FREM2: variants seen among roughly 807,000 people sequenced by gnomAD.
FREM2 encodes the protein FRAS1 related extracellular matrix 2.
In FREM2, 119 loss-of-function variants were observed where a neutral mutation model predicts 219.9. The observed-to-expected ratio is 0.54, with a 90% CI of 0.47 to 0.63. The LOEUF is 0.63. FREM2 is among the 30% of genes least tolerant of loss of function. The pLI is 0.00. For synonymous variants in FREM2, 1,562 were observed against 1,522.8 expected, an observed-to-expected ratio of 1.03 and a Z score of -0.60; for missense variants, 4,030 against 3,993.6, an observed-to-expected ratio of 1.01 and a Z score of -0.25.
At chr13:38,707,823 A>AT (rs1870599321) in intron 2 of FREM2, among the ~76,000 whole-genome samples, 1 of 152,228 alleles carries the variant, frequency 6.6e-6, no homozygotes, top group African/African-American at 2.4e-5. Flanking sequence ...ATGGCCAAAA[A>AT]TTAAGTGCAT....
chr13:38,815,907 C>T (rs188208163), intron 6 of FREM2, among the ~76,000 whole-genome samples: 32 of 152,256 alleles, frequency 2.1e-4, no homozygotes, highest in Non-Finnish European at 3.8e-4. Flanking sequence ...CCCATAGACC[C>T]CACCTCTGAT....
intron 3 of FREM2, among the ~76,000 whole-genome samples, chr13:38,767,810 T>C (rs1873500822): frequency 6.6e-6 from 1 of 152,210 alleles, no homozygotes; most frequent in Non-Finnish European, 1.5e-5. Flanking sequence ...CCCTTTTTTC[T>C]CTTGCCATTA....
At chr13:38,718,051 T>C (rs1376667417) in intron 2 of FREM2, among the ~76,000 whole-genome samples, 1 of 152,180 alleles carries the variant, frequency 6.6e-6, no homozygotes, top group African/African-American at 2.4e-5. Context: ...ATTAACTGTG[T>C]CTTTTTTCAT....
In FREM2 at chr13:38,691,469, A is replaced by C; in HGVS notation, c.4125A>C (p.Val1375=). 6.2e-7 allele frequency: 1 copy of C among 1,614,170 alleles called. No homozygotes were observed. The highest frequency in any genetic ancestry group is 8.5e-7 in the Non-Finnish European group (1 of 1,180,016). ...GCATGAATTTTACCCAGGATGAAGT[A>C]GACAGAAACTTAATTCAGTATGTCC... The part of the protein sequence containing the change: ...TLGMNFTQDE[V]DRNLIQYVHL... The change falls in exon 1 of 24, where the codon GTA becomes GTC. Residue 1375 remains valine (V), a synonymous_variant. Transcript: ENST00000280481.
intron 6 of FREM2, among the ~76,000 whole-genome samples, chr13:38,824,676 G>T (rs149644393): frequency 6.6e-6 from 1 of 152,098 alleles, no homozygotes; most frequent in African/African-American, 2.4e-5. Flanking sequence ...GGGGCCACAG[G>T]AGCCACCAGT....
intron 11 of FREM2, among the ~76,000 whole-genome samples, chr13:38,855,689 A>G (rs950524467): frequency 4.6e-5 from 7 of 152,178 alleles, no homozygotes; most frequent in Non-Finnish European, 8.8e-5. Flanking sequence ...TGAGGATGCA[A>G]AGGCATAACA....
rs1003338154 is a variant in FREM2, at chr13:38,702,559, C to G, written c.5263+4772C>G. Among the ~76,000 whole-genome samples, 3 of 152,062 alleles carry G rather than the reference C, an allele frequency of 2.0e-5. No homozygotes were observed. The East Asian group carries it at 5.8e-4, about 29-fold the overall frequency. On this transcript the variant is annotated intron_variant, in intron 2 of 23. Coordinates refer to ENST00000280481, the MANE Select transcript of FREM2 (RefSeq NM_207361.6). ...TTTTTTGTTTGTTTGTTTTAAGTCT[C>G]AAAGCCTCAGCATCAGATCCAGCTT...
intron 2 of FREM2, among the ~76,000 whole-genome samples, chr13:38,732,441 A>T (rs1319956860): frequency 6.6e-6 from 1 of 152,226 alleles, no homozygotes; most frequent in Non-Finnish European, 1.5e-5. Context: ...TACTTTAGTT[A>T]TGACAGCCAT....
intron 2 of FREM2, among the ~76,000 whole-genome samples, chr13:38,748,926 TACATGTGTGTGTACTGACAAGC>T (rs1342134649): frequency 6.6e-6 from 1 of 152,198 alleles, no homozygotes; most frequent in African/African-American, 2.4e-5. Context: ...TGTGTGCAGG[TACATGTGTGTGTACTGACAAGC>T]ACATGTGCAT....
At chr13:38,796,677 A>G (rs1026375017) in intron 6 of FREM2, among the ~76,000 whole-genome samples, 1 of 152,204 alleles carries the variant, frequency 6.6e-6, no homozygotes, top group East Asian at 1.9e-4. Context: ...GTCAATGGAC[A>G]CTTAGGATGA....
Position 38,863,057 on chromosome 13 carries a change from A to G in FREM2, c.7652-1218A>G, listed in dbSNP as rs563639254. On this transcript the variant is annotated intron_variant, in intron 15 of 23. Coordinates refer to ENST00000280481, the MANE Select transcript of FREM2 (RefSeq NM_207361.6). ...GGTGGTAGTTTTCAACTTTATAAAA[A>G]TTTTTTTTTTGAGGCAGAGTCTCAC... 1.3e-4 allele frequency among the ~76,000 whole-genome samples: 19 copies of G among 150,544 alleles called. No individual in the cohort carries two copies. The South Asian group carries it at 4.0e-3, about 32-fold the overall frequency.
At chr13:38,711,849 A>C (rs1870780941) in intron 2 of FREM2, among the ~76,000 whole-genome samples, 1 of 151,398 alleles carries the variant, frequency 6.6e-6, no homozygotes, top group Non-Finnish European at 1.5e-5. Context: ...CCAAGCACTG[A>C]GAGTGACCAC....
At chr13:38,771,390 A>AT (rs1307932163) in intron 4 of FREM2, among the ~76,000 whole-genome samples, 2 of 152,144 alleles carry the variant, frequency 1.3e-5, no homozygotes, top group Non-Finnish European at 2.9e-5. Flanking sequence ...ACTGGAAGCC[A>AT]TTTTTTGATA....
intron 21 of FREM2, 130 bp downstream of exon 21, chr13:38,877,373 T>C (rs1278292932): frequency 3.3e-5 from 33 of 1,011,808 alleles, no homozygotes; most frequent in Non-Finnish European, 4.9e-5. Context: ...ACTGGGTCTT[T>C]ACCCACTCTG....
chr13:38,786,146 A>G (rs1225938537), intron 6 of FREM2, among the ~76,000 whole-genome samples: 1 of 152,224 alleles, frequency 6.6e-6, no homozygotes, highest in Non-Finnish European at 1.5e-5. Context: ...ATAGAAAACC[A>G]GAGCTTGCTC....
intron 6 of FREM2, among the ~76,000 whole-genome samples, chr13:38,788,543 T>C (rs1217888600): frequency 2.0e-5 from 3 of 152,180 alleles, no homozygotes; most frequent in African/African-American, 7.2e-5. Flanking sequence ...CGATATCAAA[T>C]GTCAACACTT....
At chr13:38,809,021 C>T (rs1001619900) in intron 6 of FREM2, among the ~76,000 whole-genome samples, 4 of 151,760 alleles carry the variant, frequency 2.6e-5, no homozygotes, top group African/African-American at 7.2e-5. Context: ...ATTCTTCTGA[C>T]GGAAATACCT....
chr13:38,874,485 C>A lies in FREM2; in HGVS notation c.8180C>A (p.Ser2727Tyr), dbSNP rs548073680. 1 of 1,613,192 alleles carries A rather than the reference C, an allele frequency of 6.2e-7. No individual in the cohort carries two copies. The change falls in exon 18 of 24, where the codon TCT becomes TAT. Residue 2727 changes from serine to tyrosine, a missense_variant. Transcript: ENST00000280481. ...GSPPEAELQG[S>Y]LYPTSMRIGD... ...CTTGGTACTCTCCCCATTATAGGTT[C>A]TCTCTATCCAACCAGCATGCGCATC...
At position 38,691,521 on chromosome 13, in the gene FREM2, C is replaced by T. The variant is rs575410208; in HGVS notation, c.4177C>T (p.Leu1393=). ...VHLGQEGIRD[L]IKFDVTDGIN... is the part of the protein sequence containing the mutation. ...TTTGGGGCAAGAGGGCATTCGGGAC[C>T]TAATTAAATTTGATGTGACTGATGG... Residue 1393 remains leucine (L), a synonymous_variant, in exon 1 of 24, where the codon CTA becomes TTA. Coordinates refer to ENST00000280481, the MANE Select transcript of FREM2 (RefSeq NM_207361.6). 1.5e-5 allele frequency: 24 copies of T among 1,614,058 alleles called. No individual in the cohort carries two copies. In the South Asian group the frequency reaches 2.5e-4, roughly 17 times the overall value.
Sources: allele counts gnomAD v4.1 joint callset (sites outside exome capture counted in the v4.1 genomes callset), GRCh38; gene constraint gnomAD v4.1.1; transcripts MANE v1.5; gene names NCBI Gene and HGNC (gene_info 2026-07-23, HGNC 2026-07-21).